AK8: variants seen among roughly 807,000 people sequenced by gnomAD.
AK8 encodes the protein adenylate kinase 8.
A neutral mutation model predicts 54.6 loss-of-function variants in AK8; 44 were observed. The ratio of observed to expected loss-of-function variants is 0.81; its 90% CI spans 0.63 to 1.04. The LOEUF (loss-of-function observed/expected upper bound fraction) is 1.04, where lower values mean the gene tolerates loss of function less well. AK8 is among the 50% of genes least tolerant of loss of function. The pLI is 0.00. For synonymous variants in AK8, 239 were observed against 245.6 expected (o/e 0.97, Z 0.25); for missense variants, 555 against 613.6 (o/e 0.90, Z 1.01).
chr9:132,776,719 C>G (rs1313808387), intron 11 of AK8, among the ~76,000 whole-genome samples: 1 of 152,094 alleles, frequency 6.6e-6, no homozygotes, highest in Non-Finnish European at 1.5e-5. Context: ...AGATGAAGAG[C>G]TCAGAGTTAG....
At chr9:132,742,966 C>A (rs1249354800) in intron 11 of AK8, among the ~76,000 whole-genome samples, 1 of 152,210 alleles carries the variant, frequency 6.6e-6, no homozygotes. Context: ...TCTCCAGTGT[C>A]GGTGCCCTTG....
At chr9:132,802,555 C>A (rs1331828816) in intron 10 of AK8, among the ~76,000 whole-genome samples, 1 of 152,076 alleles carries the variant, frequency 6.6e-6, no homozygotes. Flanking sequence ...GCCAGCCCCA[C>A]GGAGAGGCTG....
chr9:132,877,189 T>TC (rs139904445), intron 1 of AK8, among the ~76,000 whole-genome samples: 5,456 of 152,278 alleles, frequency 0.036, 346 homozygotes, highest in African/African-American at 0.12. Context: ...TGCTGACTTC[T>TC]AACCCAGCTA....
rs944569936 is a variant in AK8, at chr9:132,803,246, T to C, written c.980-10471A>G. 9.9e-5 allele frequency among the ~76,000 whole-genome samples: 15 copies of C among 152,074 alleles called. No individual in the cohort carries two copies. The highest frequency in any genetic ancestry group is 2.9e-4 in the African/African-American group (12 of 41,398). ...GGATTATGGGAACTACAGTTCAAGA[T>C]GAGATTTGGGTGGGGACACAGCCAA... On this transcript the variant is annotated intron_variant, in intron 10 of 12. Coordinates refer to ENST00000298545, the MANE Select transcript of AK8 (RefSeq NM_152572.3). The surrounding 1 kb of genome is among the most constrained non-coding windows in gnomAD (Gnocchi z 4.4).
intron 11 of AK8, among the ~76,000 whole-genome samples, chr9:132,747,512 A>G (rs998116107): frequency 5.3e-5 from 8 of 149,996 alleles, no homozygotes; most frequent in Non-Finnish European, 1.0e-4. Flanking sequence ...CAGTGGTGCA[A>G]TCTTGGCTCA....
intron 10 of AK8, among the ~76,000 whole-genome samples, chr9:132,797,021 A>C (rs1840204755): frequency 6.6e-6 from 1 of 152,154 alleles, no homozygotes; most frequent in Admixed American, 6.5e-5. Flanking sequence ...TTGAGGAAGA[A>C]AGGGAATGCT....
chr9:132,770,644 G>T lies in AK8; in HGVS notation c.1121+21990C>A, dbSNP rs904074854. On this transcript the variant is annotated intron_variant, in intron 11 of 12. Transcript: ENST00000298545. This position sits in a 1 kb window ranked among gnomAD's most constrained non-coding sequence, Gnocchi z 4.3. Reference sequence around the variant, plus strand: ...TTCAACAGAGACCTGGGGCAGCGCGGTGGGCAGCGGGCTGGGCCGAGATCG... The same window carrying T: ...TTCAACAGAGACCTGGGGCAGCGCGTTGGGCAGCGGGCTGGGCCGAGATCG... Among the ~76,000 whole-genome samples the T allele has an allele frequency of 9.2e-5, 14 of 152,174 alleles. No homozygotes were observed. Among genetic ancestry groups the T allele is most frequent in the African/African-American group, 3.1e-4 (13 of 41,442 alleles).
At chr9:132,824,196 C>G (rs1456392222) in intron 8 of AK8, among the ~76,000 whole-genome samples, 4 of 152,242 alleles carry the variant, frequency 2.6e-5, no homozygotes, top group Non-Finnish European at 5.9e-5. Flanking sequence ...GCTGTAAAGG[C>G]AGCATTTCGG....
chr9:132,747,072 A>G (rs1837685776), intron 11 of AK8, among the ~76,000 whole-genome samples: 1 of 152,254 alleles, frequency 6.6e-6, no homozygotes, highest in South Asian at 2.1e-4. Context: ...GTAGCCAAGT[A>G]TCTTGGTTCA....
chr9:132,748,694 G>A (rs1564380259), intron 11 of AK8, among the ~76,000 whole-genome samples: 1 of 151,884 alleles, frequency 6.6e-6, no homozygotes. Flanking sequence ...TCTGCCCGTG[G>A]TACTTGGGGT....
At chr9:132,727,685 C>T (rs1564368423) in intron 11 of AK8, 151 bp from the exon 12 acceptor site, 3 of 672,360 alleles carry the variant, frequency 4.5e-6, no homozygotes, top group Non-Finnish European at 7.7e-6. Context: ...TGCAAACCTG[C>T]CTTTCATGTA....
At chr9:132,856,227 G>A (rs553019688) in intron 4 of AK8, among the ~76,000 whole-genome samples, 32 of 152,320 alleles carry the variant, frequency 2.1e-4, no homozygotes, top group Non-Finnish European at 1.5e-5. Context: ...GTTCCTTGCT[G>A]GGGGCGGGGG....
Position 132,823,289 on chromosome 9 carries a change from G to T in AK8, c.805C>A (p.Pro269Thr). 6.2e-7 allele frequency: 1 copy of T among 1,613,730 alleles called. No individual in the cohort carries two copies. The highest frequency in any genetic ancestry group is 1.1e-5 in the South Asian group (1 of 91,054). ...SNHRTNAPFTPRVLLLGPVGS... is the reference protein window; with the variant it reads ...SNHRTNAPFTTRVLLLGPVGS... ...ACAGGCCCGAGCAGCAGCACCCTCG[G>T]GGTGAACGGGGCATTAGTACGATGG... The change falls in exon 9 of 13, where the codon CCG (proline) becomes ACG (threonine). Residue 269 changes from proline to threonine, a missense_variant. Transcript: ENST00000298545.
intron 3 of AK8, among the ~76,000 whole-genome samples, chr9:132,866,675 A>G (rs946568713): frequency 6.6e-6 from 1 of 152,236 alleles, no homozygotes; most frequent in Non-Finnish European, 1.5e-5. Context: ...GTCTCCGAGC[A>G]TGCTAAAGGA....
chr9:132,768,769 T>C (rs1838829585), intron 11 of AK8, among the ~76,000 whole-genome samples: 1 of 152,220 alleles, frequency 6.6e-6, no homozygotes, highest in South Asian at 2.1e-4. Flanking sequence ...ATAATACATC[T>C]GGACAGTCTC....
chr9:132,875,733 G>A (rs1353905257), intron 1 of AK8, among the ~76,000 whole-genome samples: 1 of 152,168 alleles, frequency 6.6e-6, no homozygotes, highest in African/African-American at 2.4e-5. Context: ...TACTCACCAG[G>A]CCACCATCCC....
Position 132,860,499 on chromosome 9 carries a change from G to A in AK8, c.333+3166C>T, listed in dbSNP as rs544380514. 9.2e-5 allele frequency among the ~76,000 whole-genome samples: 14 copies of A among 152,340 alleles called. No individual in the cohort carries two copies. Among genetic ancestry groups the A allele is most frequent in the South Asian group, 4.1e-4 (2 of 4,830 alleles). On this transcript the variant is annotated intron_variant, in intron 4 of 12. Coordinates refer to ENST00000298545, the MANE Select transcript of AK8 (RefSeq NM_152572.3). The surrounding 1 kb of genome is among the most constrained non-coding windows in gnomAD (Gnocchi z 4.4). ...GGTAGAGGACAGGGAGAGTTCTAGAGGAAAAGGGAAGGCTCCAGGCATGCC... is the reference window on the plus strand; with the variant it reads ...GGTAGAGGACAGGGAGAGTTCTAGAAGAAAAGGGAAGGCTCCAGGCATGCC...
intron 11 of AK8, among the ~76,000 whole-genome samples, chr9:132,754,650 A>G (rs1838102214): frequency 6.6e-6 from 1 of 152,126 alleles, no homozygotes; most frequent in South Asian, 2.1e-4. Flanking sequence ...AGGACAGTTG[A>G]GCCAAGGGCA....
At chr9:132,863,313 G>C (rs1363504639) in intron 4 of AK8, among the ~76,000 whole-genome samples, 3 of 152,240 alleles carry the variant, frequency 2.0e-5, no homozygotes, top group Admixed American at 1.3e-4. Flanking sequence ...CTCCTGGCGC[G>C]GGCCGCCAGG....
Sources: allele counts gnomAD v4.1 joint callset (sites outside exome capture counted in the v4.1 genomes callset), GRCh38; gene constraint gnomAD v4.1.1; non-coding constraint Gnocchi (gnomAD v3.1); transcripts MANE v1.5; gene names NCBI Gene and HGNC (gene_info 2026-07-23, HGNC 2026-07-21).